Variants in SCFD1 observed in about 807,000 individuals in gnomAD.
SCFD1 encodes sec1 family domain containing 1, also known as sec1 family domain-containing protein 1.
Under a neutral mutation model 103.2 loss-of-function variants are expected in SCFD1, and 37 were observed. That is an observed-to-expected ratio of 0.36 (90% CI 0.28 to 0.47). The LOEUF (loss-of-function observed/expected upper bound fraction) is 0.47, where lower values mean the gene tolerates loss of function less well. Ranked by LOEUF, SCFD1 falls within the 20% of genes least tolerant of loss-of-function variation. The pLI is 1.00. For synonymous variants in SCFD1, 264 were observed against 245.0 expected, an observed-to-expected ratio of 1.08 and a Z score of -0.73; for missense variants, 639 against 761.2, an observed-to-expected ratio of 0.84 and a Z score of 1.89.
intron 23 of SCFD1, among the ~76,000 whole-genome samples, chr14:30,725,753 G>C (rs1445711504): frequency 6.6e-6 from 1 of 152,128 alleles, no homozygotes. Context: ...AGGCATCCTT[G>C]TCTTGTGCCA....
chr14:30,645,662 T>A (rs1314317614), intron 7 of SCFD1, among the ~76,000 whole-genome samples: 1 of 152,236 alleles, frequency 6.6e-6, no homozygotes. Flanking sequence ...CTGCTGGTTT[T>A]TGTACATTGA....
chr14:30,646,169 C>A (rs934033773), intron 7 of SCFD1, among the ~76,000 whole-genome samples: 2 of 152,072 alleles, frequency 1.3e-5, no homozygotes, highest in African/African-American at 2.4e-5. Context: ...ACTACAGGCA[C>A]ATGCCACCAC....
At chr14:30,706,207 A>G (rs1001619593) in intron 18 of SCFD1, among the ~76,000 whole-genome samples, 7 of 152,186 alleles carry the variant, frequency 4.6e-5, no homozygotes, top group African/African-American at 9.6e-5. Flanking sequence ...TCACTTTAAA[A>G]TGTAAGTTAA....
At position 30,715,727 on chromosome 14, in the gene SCFD1, A is replaced by T. The variant is rs746822232; in HGVS notation, c.1630-197A>T. ...TTAAAGAAGCATTTTACTTAGAATT[A>T]TATTTTCCTGTGGAAACTTGAGTAG... On this transcript the variant is annotated intron_variant, in intron 19 of 24. Transcript: ENST00000458591. The T allele has an allele frequency of 1.3e-3, 631 of 480,598 alleles. 3 individuals are homozygous for T. The highest frequency in any genetic ancestry group is 1.1e-3 in the Non-Finnish European group (295 of 273,684). 29.8% of individuals were successfully genotyped at this position (480,598 alleles called of 1,614,324 possible). A position where few individuals can be genotyped will look rare whatever the true frequency, so the allele number is the denominator to read the frequency against.
chr14:30,654,342 A>T (rs1870141645), intron 10 of SCFD1, among the ~76,000 whole-genome samples: 1 of 152,224 alleles, frequency 6.6e-6, no homozygotes, highest in Admixed American at 6.5e-5. Context: ...CTATATAATC[A>T]TATCATGATA....
intron 2 of SCFD1, among the ~76,000 whole-genome samples, chr14:30,628,601 G>A (rs563047301): frequency 2.0e-5 from 3 of 152,156 alleles, no homozygotes; most frequent in Non-Finnish European, 4.4e-5. Flanking sequence ...CTTGCTCGGA[G>A]TTAGTCACAT....
chr14:30,716,969 T>C (rs1432137717), intron 20 of SCFD1, among the ~76,000 whole-genome samples: 1 of 152,184 alleles, frequency 6.6e-6, no homozygotes, highest in Non-Finnish European at 1.5e-5. Flanking sequence ...GAAGTAATAA[T>C]AGACTTTGTC....
At chr14:30,625,274 G>T (rs76682175) in intron 1 of SCFD1, among the ~76,000 whole-genome samples, 8,342 of 152,122 alleles carry the variant, frequency 0.055, 314 homozygotes, top group African/African-American at 0.1. Context: ...TAGGAATATG[G>T]ATACAGGTTG....
At chr14:30,715,027 C>A (rs1031832575) in intron 19 of SCFD1, among the ~76,000 whole-genome samples, 5 of 152,176 alleles carry the variant, frequency 3.3e-5, no homozygotes, top group Admixed American at 3.3e-4. Context: ...TTGTACATTT[C>A]GTGTTCAAAG....
At chr14:30,712,719 A>T (rs1490182397) in intron 19 of SCFD1, among the ~76,000 whole-genome samples, 2 of 152,210 alleles carry the variant, frequency 1.3e-5, no homozygotes, top group Non-Finnish European at 2.9e-5. Context: ...AAGAACTTTA[A>T]TTTAGGATAT....
chr14:30,626,275 A>G (rs1033007461), intron 1 of SCFD1, among the ~76,000 whole-genome samples: 1 of 152,112 alleles, frequency 6.6e-6, no homozygotes, highest in African/African-American at 2.4e-5. Context: ...GACATTAGGT[A>G]ATAACATTTT....
chr14:30,712,392 A>C (rs1056448073), intron 19 of SCFD1, among the ~76,000 whole-genome samples: 2 of 152,204 alleles, frequency 1.3e-5, no homozygotes, highest in Non-Finnish European at 2.9e-5. Context: ...ACAAATAGTC[A>C]CCATAGATCA....
chr14:30,626,140 C>G (rs1243839138), intron 1 of SCFD1, among the ~76,000 whole-genome samples: 1 of 151,716 alleles, frequency 6.6e-6, no homozygotes, highest in Non-Finnish European at 1.5e-5. Flanking sequence ...AAGTGTTAAA[C>G]TGTTTTTTTG....
intron 23 of SCFD1, among the ~76,000 whole-genome samples, chr14:30,734,003 G>GA (rs1392579830): frequency 6.6e-6 from 1 of 151,712 alleles, no homozygotes; most frequent in African/African-American, 2.4e-5. Context: ...ATCTCATTTT[G>GA]AAAAAAATAT....
intron 15 of SCFD1, among the ~76,000 whole-genome samples, chr14:30,695,178 C>T (rs933969288): frequency 6.6e-6 from 1 of 152,134 alleles, no homozygotes; most frequent in East Asian, 1.9e-4. Flanking sequence ...GTATAACATT[C>T]AAAGCAAGTG....
intron 19 of SCFD1, among the ~76,000 whole-genome samples, chr14:30,715,063 A>T (rs1892178616): frequency 6.6e-6 from 1 of 152,230 alleles, no homozygotes; most frequent in Non-Finnish European, 1.5e-5. Context: ...AAGATGATGC[A>T]GTGCAACATT....
chr14:30,624,253 A>T (rs1199497184), intron 1 of SCFD1, among the ~76,000 whole-genome samples: 1 of 152,168 alleles, frequency 6.6e-6, no homozygotes, highest in Non-Finnish European at 1.5e-5. Flanking sequence ...GTTGTTCTTC[A>T]TTGAATGCGT....
chr14:30,627,856 TAAA>T (rs59421697), intron 1 of SCFD1, among the ~76,000 whole-genome samples: 18 of 116,302 alleles, frequency 1.5e-4, no homozygotes, highest in African/African-American at 4.4e-4. Flanking sequence ...CACTCAGACT[TAAA>T]AAAAAAAAAA....
At chr14:30,667,398 A>G (rs1006434895) in intron 10 of SCFD1, among the ~76,000 whole-genome samples, 4 of 152,220 alleles carry the variant, frequency 2.6e-5, no homozygotes, top group Admixed American at 2.6e-4. Flanking sequence ...TATTGATGGA[A>G]CGTATCTCAA....
Sources: allele counts gnomAD v4.1 joint callset (sites outside exome capture counted in the v4.1 genomes callset), GRCh38; gene constraint gnomAD v4.1.1; transcripts MANE v1.5; gene names NCBI Gene and HGNC (gene_info 2026-07-23, HGNC 2026-07-21).